SLC5A4: variants seen among roughly 807,000 people sequenced by gnomAD.
The protein encoded by SLC5A4 is probable glucose sensor protein SLC5A4.
SLC5A4 carries 55 observed loss-of-function variants against 70.3 expected under a neutral mutation model. The ratio of observed to expected loss-of-function variants is 0.78; its 90% CI spans 0.63 to 0.98. The LOEUF is 0.98. Among genes scored for constraint, SLC5A4 ranks in the 50% least tolerant of loss-of-function variants. SLC5A4 has a pLI of 0.00. For missense variants in SLC5A4, 735 were observed against 839.2 expected (o/e 0.88, Z 1.53); for synonymous variants, 268 against 305.7 (o/e 0.88, Z 1.29).
the SLC5A4 span, among the ~76,000 whole-genome samples, chr22:32,260,517 A>C: frequency 1.3e-5 from 2 of 151,976 alleles, no homozygotes; most frequent in South Asian, 4.1e-4. Flanking sequence ...ACAAAAAAAA[A>C]AAACAAAACC....
upstream of SLC5A4, among the ~76,000 whole-genome samples, chr22:32,257,983 T>C (rs1021813755): frequency 1.3e-5 from 2 of 151,966 alleles, no homozygotes; most frequent in Non-Finnish European, 2.9e-5. Context: ...GTTTTCTTTA[T>C]GTATTCTTTA....
At chr22:32,342,011 C>T in the SLC5A4 span, among the ~76,000 whole-genome samples, 71 of 152,244 alleles carry the variant, frequency 4.7e-4, 1 homozygote, top group African/African-American at 1.7e-3. Flanking sequence ...TCTTTGTCTC[C>T]CCAGGCAGAC....
At chr22:32,344,200 A>T in the SLC5A4 span, among the ~76,000 whole-genome samples, 1 of 152,140 alleles carries the variant, frequency 6.6e-6, no homozygotes, top group Non-Finnish European at 1.5e-5. Context: ...ATCCACAAAG[A>T]AATGTCAGGT....
intron 5 of SLC5A4, among the ~76,000 whole-genome samples, chr22:32,240,201 G>A (rs1926436308): frequency 6.6e-6 from 1 of 151,970 alleles, no homozygotes; most frequent in Non-Finnish European, 1.5e-5. Context: ...TTTAGATTAT[G>A]CAGACTGTGC....
chr22:32,221,103 G>A (rs1361353310), intron 13 of SLC5A4, 81 bp from the exon 14 acceptor site: 14 of 940,042 alleles, frequency 1.5e-5, no homozygotes, highest in South Asian at 2.8e-5. Context: ...TTTGTTTATC[G>A]TCTGGTGTTT....
At chr22:32,304,313 G>A in the SLC5A4 span, among the ~76,000 whole-genome samples, 61 of 151,616 alleles carry the variant, frequency 4.0e-4, no homozygotes, top group African/African-American at 1.4e-3. Flanking sequence ...GTTTTTTTCC[G>A]TATTTTTAGC....
intron 7 of SLC5A4, among the ~76,000 whole-genome samples, chr22:32,236,906 A>G (rs1157228945): frequency 6.6e-6 from 1 of 151,952 alleles, no homozygotes; most frequent in Admixed American, 6.6e-5. Context: ...GGGTTTCACC[A>G]CGTTAGCCAG....
At chr22:32,238,197 A>G (rs5994503) in intron 6 of SLC5A4, among the ~76,000 whole-genome samples, 76,774 of 151,332 alleles carry the variant, frequency 0.51, 20,851 homozygotes, top group African/African-American at 0.7. Flanking sequence ...AACAGCTTAC[A>G]TGGACTCTCC....
At chr22:32,314,750 G>A in the SLC5A4 span, among the ~76,000 whole-genome samples, 1 of 152,134 alleles carries the variant, frequency 6.6e-6, no homozygotes, top group South Asian at 2.1e-4. Context: ...TGGCTGGGGA[G>A]GCCTCACAAT....
At chr22:32,223,869 G>A (rs1925226995) in intron 13 of SLC5A4, among the ~76,000 whole-genome samples, 1 of 152,106 alleles carries the variant, frequency 6.6e-6, no homozygotes. Flanking sequence ...TAGCTCTAGA[G>A]GTACAATGAA....
chr22:32,343,820 G>C, the SLC5A4 span, among the ~76,000 whole-genome samples: 1 of 152,114 alleles, frequency 6.6e-6, no homozygotes, highest in African/African-American at 2.4e-5. Context: ...CTTCACCTTT[G>C]TTCAATACAC....
chr22:32,261,460 C>G, the SLC5A4 span, among the ~76,000 whole-genome samples: 2 of 152,200 alleles, frequency 1.3e-5, no homozygotes, highest in Non-Finnish European at 2.9e-5. Context: ...AGAACACATT[C>G]ACATGGCAAG....
At chr22:32,286,003 T>C in the SLC5A4 span, among the ~76,000 whole-genome samples, 1 of 152,222 alleles carries the variant, frequency 6.6e-6, no homozygotes, top group Non-Finnish European at 1.5e-5. Flanking sequence ...CCCAAAGTGC[T>C]GTGATTACAG....
chr22:32,278,458 GTCTTTACTGAGT>G, the SLC5A4 span, among the ~76,000 whole-genome samples: 1 of 152,196 alleles, frequency 6.6e-6, no homozygotes, highest in Non-Finnish European at 1.5e-5. Flanking sequence ...ATATATCCCT[GTCTTTACTGAGT>G]TCCAGAAAAT....
chr22:32,224,614 A>G, intron 12 of SLC5A4, 132 bp from the exon 13 acceptor site: 1 of 689,878 alleles, frequency 1.4e-6, no homozygotes, highest in Non-Finnish European at 2.4e-6. Context: ...GCACAAGGTT[A>G]CCGACATAGA....
chr22:32,240,520 A>G (rs979683769), intron 5 of SLC5A4, among the ~76,000 whole-genome samples: 4 of 152,172 alleles, frequency 2.6e-5, no homozygotes, highest in South Asian at 2.1e-4. Context: ...TTGTTTGCCA[A>G]TGAGGATTTT....
the SLC5A4 span, among the ~76,000 whole-genome samples, chr22:32,284,482 G>A: frequency 6.6e-6 from 1 of 152,150 alleles, no homozygotes; most frequent in African/African-American, 2.4e-5. Flanking sequence ...CATGGCTGGG[G>A]GTTGATGCTG....
At chr22:32,278,587 T>C in the SLC5A4 span, among the ~76,000 whole-genome samples, 1 of 152,228 alleles carries the variant, frequency 6.6e-6, no homozygotes, top group African/African-American at 2.4e-5. Context: ...GAAAATATTC[T>C]GAAGTTTCTC....
chr22:32,336,528 C>T, the SLC5A4 span, among the ~76,000 whole-genome samples: 10 of 152,214 alleles, frequency 6.6e-5, no homozygotes, highest in South Asian at 2.1e-4. Flanking sequence ...GTAAGATGCC[C>T]GCTGCAGGCA....
Sources: allele counts gnomAD v4.1 joint callset (sites outside exome capture counted in the v4.1 genomes callset), GRCh38; gene constraint gnomAD v4.1.1; transcripts MANE v1.5; gene names NCBI Gene and HGNC (gene_info 2026-07-23, HGNC 2026-07-21).